Variants in SDK1 observed in about 807,000 individuals in gnomAD.
The protein encoded by SDK1 is sidekick cell adhesion molecule 1.
Under a neutral mutation model 245.5 loss-of-function variants are expected in SDK1, and 157 were observed. That is an observed-to-expected ratio of 0.64 (90% CI 0.56 to 0.73). The LOEUF is 0.73. Among genes scored for constraint, SDK1 ranks in the 30% least tolerant of loss-of-function variants. The pLI is 0.00. For missense variants in SDK1, 3,583 were observed against 3,002.3 expected (o/e 1.19, Z -4.52); for synonymous variants, 1,647 against 1,278.5 (o/e 1.29, Z -6.15).
chr7:3,809,172 G>A (rs1548615), intron 4 of SDK1, among the ~76,000 whole-genome samples: 30,489 of 152,020 alleles, frequency 0.2, 3,329 homozygotes, highest in Middle Eastern at 0.37. Flanking sequence ...GGGGGAGGAG[G>A]CGCGCTACAT....
chr7:3,728,191 C>T lies in SDK1; in HGVS notation c.713+86086C>T, dbSNP rs775589340. On this transcript the variant is annotated intron_variant, in intron 4 of 44. Transcript: ENST00000404826. ...CACTGTTGATGCTGAACTTGATCAC[C>T]GCTGAGGTAGTACTTATCAGCTATC... 1.1e-4 allele frequency among the ~76,000 whole-genome samples: 17 copies of T among 152,336 alleles called. No individual in the cohort carries two copies. The Middle Eastern group carries it at 0.014, about 122-fold the overall frequency.
chr7:3,923,509 G>A (rs112851561), intron 5 of SDK1, among the ~76,000 whole-genome samples: 140 of 152,288 alleles, frequency 9.2e-4, no homozygotes, highest in African/African-American at 3.2e-3. Flanking sequence ...TCTCAATGGA[G>A]CCCGGGACTG....
At chr7:4,057,089 G>C (rs140508646) in intron 19 of SDK1, among the ~76,000 whole-genome samples, 1,615 of 152,276 alleles carry the variant, frequency 0.011, 6 homozygotes, top group South Asian at 0.018. Flanking sequence ...CCCACCCACA[G>C]TTGCCACCTG....
At chr7:3,656,930 G>A (rs922375597) in intron 4 of SDK1, among the ~76,000 whole-genome samples, 2 of 151,650 alleles carry the variant, frequency 1.3e-5, no homozygotes, top group East Asian at 1.9e-4. Context: ...TGTATTTTTA[G>A]TAGAGACGGG....
rs181711108 is a variant in SDK1, at chr7:3,680,656, A to T, written c.713+38551A>T. On this transcript the variant is annotated intron_variant, in intron 4 of 44. Coordinates refer to ENST00000404826, the MANE Select transcript of SDK1 (RefSeq NM_152744.4). The stretch of plus-strand genomic sequence containing the variant: ...TTATTTAAAATCTAGTGATTTTAAA[A>T]TACAGGTTTGCATCTTTTAATTATT... Among the ~76,000 whole-genome samples the T allele has an allele frequency of 2.7e-3, 418 of 152,280 alleles. 3 individuals are homozygous for T. Among genetic ancestry groups the T allele is most frequent in the South Asian group, 0.017 (80 of 4,816 alleles).
At chr7:3,592,848 C>G (rs551653252) in intron 1 of SDK1, among the ~76,000 whole-genome samples, 5 of 152,190 alleles carry the variant, frequency 3.3e-5, no homozygotes, top group African/African-American at 1.2e-4. Context: ...TTTTGAAACA[C>G]TGATGGGTTT....
At chr7:3,556,504 A>G (rs762708723) in intron 1 of SDK1, among the ~76,000 whole-genome samples, 9 of 152,152 alleles carry the variant, frequency 5.9e-5, no homozygotes, top group Non-Finnish European at 1.2e-4. Context: ...AGGGTGACTA[A>G]AGTCAATAAT....
chr7:4,059,791 G>C (rs377640217), intron 19 of SDK1, among the ~76,000 whole-genome samples: 1 of 151,986 alleles, frequency 6.6e-6, no homozygotes, highest in Admixed American at 6.6e-5. Context: ...GAGGAACTTT[G>C]GAATCTGTAC....
At chr7:3,389,526 C>G (rs897605164) in intron 1 of SDK1, among the ~76,000 whole-genome samples, 2 of 152,148 alleles carry the variant, frequency 1.3e-5, no homozygotes, top group Admixed American at 1.3e-4. Context: ...TTTTGGACTT[C>G]TGGCCTCTAG....
At chr7:3,999,352 G>A (rs1367707758) in intron 14 of SDK1, among the ~76,000 whole-genome samples, 3 of 152,028 alleles carry the variant, frequency 2.0e-5, no homozygotes, top group African/African-American at 7.2e-5. Flanking sequence ...GTCCATTTTC[G>A]AGGCAAAGAA....
intron 1 of SDK1, among the ~76,000 whole-genome samples, chr7:3,576,163 G>A (rs1780283791): frequency 6.6e-6 from 1 of 152,100 alleles, no homozygotes; most frequent in Admixed American, 6.5e-5. Flanking sequence ...GACCAGGTGT[G>A]CTTTGGATCT....
intron 2 of SDK1, among the ~76,000 whole-genome samples, chr7:3,635,496 A>G (rs1471924135): frequency 2.0e-5 from 3 of 152,212 alleles, no homozygotes; most frequent in Non-Finnish European, 4.4e-5. Context: ...GTGATTCAAG[A>G]TATGCTTGGG....
chr7:3,930,045 C>A (rs971444375), intron 5 of SDK1, among the ~76,000 whole-genome samples: 2 of 152,016 alleles, frequency 1.3e-5, no homozygotes, highest in African/African-American at 4.8e-5. Context: ...GAGACTCAGC[C>A]CACCCAGCAC....
At chr7:3,702,661 G>A (rs1036615340) in intron 4 of SDK1, among the ~76,000 whole-genome samples, 1 of 152,188 alleles carries the variant, frequency 6.6e-6, no homozygotes, top group Non-Finnish European at 1.5e-5. Flanking sequence ...CTCATGACCC[G>A]AGAAACCTGG....
intron 5 of SDK1, among the ~76,000 whole-genome samples, chr7:3,875,840 C>T (rs1781062776): frequency 6.6e-6 from 1 of 152,096 alleles, no homozygotes; most frequent in South Asian, 2.1e-4. Flanking sequence ...CCTTCAGGCC[C>T]CTTAATATGT....
chr7:4,011,229 G>T, intron 15 of SDK1, 116 bp downstream of exon 15: 3 of 1,306,530 alleles, frequency 2.3e-6, no homozygotes, highest in Non-Finnish European at 3.1e-6. Context: ...TTCCCTCAGG[G>T]AGACGGGACA....
Position 3,370,305 on chromosome 7 carries a change from T to A in SDK1, c.298+68421T>A, listed in dbSNP as rs191090638. On this transcript the variant is annotated intron_variant, in intron 1 of 44. Transcript: ENST00000404826. ...ATGGCTCTTTCTCTTCAGTACAGGG[T>A]GTACCAACAAAGAGAGACAGTTACA... Among the ~76,000 whole-genome samples, 4 of 152,274 alleles carry A rather than the reference T, an allele frequency of 2.6e-5. No homozygotes were observed. The East Asian group carries it at 7.7e-4, about 29-fold the overall frequency.
rs143366819 is a variant in SDK1, at chr7:4,195,149, T to C, written c.5099-10730T>C. On this transcript the variant is annotated intron_variant, in intron 35 of 44. Coordinates refer to ENST00000404826, the MANE Select transcript of SDK1 (RefSeq NM_152744.4). ...ACAAAGTAATGTTTACCATGTGGAA[T>C]GATTAAATCAGGCTAATTAGCATCT... Among the ~76,000 whole-genome samples, 1,267 of 152,350 alleles carry C rather than the reference T, an allele frequency of 8.3e-3. 22 individuals carry two copies. Among genetic ancestry groups the C allele is most frequent in the African/African-American group, 0.029 (1,191 of 41,580 alleles).
chr7:3,675,572 T>C (rs1783866716), intron 4 of SDK1, among the ~76,000 whole-genome samples: 1 of 150,658 alleles, frequency 6.6e-6, no homozygotes, highest in Non-Finnish European at 1.5e-5. Context: ...TGTTTGTTTG[T>C]TTGTTTGTTT....
Sources: allele counts gnomAD v4.1 joint callset (sites outside exome capture counted in the v4.1 genomes callset), GRCh38; gene constraint gnomAD v4.1.1; transcripts MANE v1.5; gene names NCBI Gene and HGNC (gene_info 2026-07-23, HGNC 2026-07-21).